Variants in ATP2A2 observed in about 807,000 individuals in gnomAD.
ATP2A2 encodes the protein sarcoplasmic/endoplasmic reticulum calcium ATPase 2.
In ATP2A2, 14 loss-of-function variants were observed where a neutral mutation model predicts 109.3. The observed-to-expected ratio is 0.13, with a 90% CI of 0.08 to 0.20. ATP2A2 has a LOEUF of 0.20. ATP2A2 is among the 10% of genes least tolerant of loss of function. The pLI, the probability that ATP2A2 is intolerant of heterozygous loss-of-function variation, is 1.00. For missense variants in ATP2A2, 657 were observed against 1,321.6 expected, an observed-to-expected ratio of 0.50 and a Z score of 7.80; for synonymous variants, 506 against 490.9, an observed-to-expected ratio of 1.03 and a Z score of -0.41.
chr12:110,310,764 G>A (rs1430128587), intron 5 of ATP2A2, among the ~76,000 whole-genome samples: 7 of 152,140 alleles, frequency 4.6e-5, no homozygotes, highest in Non-Finnish European at 1.0e-4. Flanking sequence ...ATTTACTCGG[G>A]AATAAAAAGA....
chr12:110,293,822 A>ATG (rs1294018981), intron 4 of ATP2A2, among the ~76,000 whole-genome samples: 1 of 129,880 alleles, frequency 7.7e-6, no homozygotes, highest in African/African-American at 3.3e-5. Context: ...ATTGTGCCAT[A>ATG]TATATGTGTG....
chr12:110,349,691 A>G lies in ATP2A2; in HGVS notation c.*3221A>G, dbSNP rs1592874725. On this transcript the variant is annotated 3_prime_UTR_variant, in exon 20 of 20. Transcript: ENST00000539276. ...TCTACCAAGCATCTAGCCACTGTCC[A>G]GGGCCAGAGCATACCACGTCTGCAG... The G allele has an allele frequency of 1.0e-6, 1 of 996,210 alleles. No homozygotes were observed. The highest frequency in any genetic ancestry group is 1.2e-6 in the Non-Finnish European group (1 of 835,328). The allele number at this position is 996,210 out of a possible 1,614,324, so 61.7% of individuals were successfully genotyped here.
intron 5 of ATP2A2, among the ~76,000 whole-genome samples, chr12:110,319,268 C>T (rs1877006061): frequency 6.8e-6 from 1 of 147,448 alleles, no homozygotes; most frequent in African/African-American, 2.5e-5. Context: ...GACCCCACTC[C>T]AAATGCATTT....
chr12:110,314,077 C>A (rs1876395918), intron 5 of ATP2A2, among the ~76,000 whole-genome samples: 1 of 151,274 alleles, frequency 6.6e-6, no homozygotes, highest in Non-Finnish European at 1.5e-5. Flanking sequence ...TGCCTGTAAT[C>A]CCAGCACTTT....
Position 110,339,524 on chromosome 12 carries a change from G to T in ATP2A2, c.1564G>T (p.Asp522Tyr). 6.2e-7 allele frequency: 1 copy of T among 1,614,112 alleles called. No homozygotes were observed. The highest frequency in any genetic ancestry group is 8.5e-7 in the Non-Finnish European group (1 of 1,180,016). ...CCAGGGTGCTCCTGAAGGTGTCATT[G>T]ACAGGTGCACCCACATTCGAGTTGG... is the stretch of plus-strand genomic sequence containing the variant. ...FVKGAPEGVI[D>Y]RCTHIRVGST... The change falls in exon 13 of 20, where the codon GAC becomes TAC. Residue 522 changes from aspartate to tyrosine, a missense_variant. This residue lies in a region of ATP2A2 where 180 missense variants were observed against 329.1 expected (regional missense o/e 0.55). Transcript: ENST00000539276. The surrounding 1 kb of genome is among the most constrained non-coding windows in gnomAD (Gnocchi z 4.4).
chr12:110,345,966 G>T, intron 18 of ATP2A2, 35 bp from the exon 19 acceptor site: 1 of 1,599,948 alleles, frequency 6.3e-7, no homozygotes, highest in South Asian at 1.1e-5. Context: ...GCCTTGCCTT[G>T]GGGGTGCGTT....
In ATP2A2 at chr12:110,326,416, A is replaced by G; in HGVS notation, c.571A>G (p.Thr191Ala). Residue 191 changes from threonine (T) to alanine (A), a missense_variant, in exon 7 of 20, where the codon ACT (threonine) becomes GCT (alanine). Transcript: ENST00000539276. ...TGAATCTGTCTCTGTCATCAAGCAC[A>G]CTGATCCCGTCCCTGACCCACGAGC... is the stretch of plus-strand genomic sequence containing the variant. ...TGESVSVIKHTDPVPDPRAVN... is the reference protein window; with the variant it reads ...TGESVSVIKHADPVPDPRAVN... 1 of 1,614,096 alleles carries G rather than the reference A, an allele frequency of 6.2e-7. No homozygotes were observed. The highest frequency in any genetic ancestry group is 1.6e-4 in the Middle Eastern group (1 of 6,062).
intron 5 of ATP2A2, among the ~76,000 whole-genome samples, chr12:110,306,384 G>A (rs1875333585): frequency 1.3e-5 from 2 of 152,200 alleles, no homozygotes; most frequent in Admixed American, 1.3e-4. Flanking sequence ...CAAGGTACAT[G>A]TGCAGGTTTG....
intron 6 of ATP2A2, chr12:110,325,678 A>G (rs1199017663): frequency 6.6e-6 from 1 of 152,358 alleles, no homozygotes; most frequent in Non-Finnish European, 1.5e-5. Flanking sequence ...TTTCCAGTAC[A>G]CTTGCTAATT....
chr12:110,296,866 A>C, intron 5 of ATP2A2, 129 bp downstream of exon 5: 1 of 1,083,344 alleles, frequency 9.2e-7, no homozygotes, highest in Non-Finnish European at 1.3e-6. Context: ...ATTGCCATTC[A>C]TACAAATCCT....
chr12:110,281,056 G>C (rs1871997374), upstream of ATP2A2: 1 of 151,210 alleles, frequency 6.6e-6, no homozygotes, highest in Non-Finnish European at 1.5e-5. Flanking sequence ...CCTCGATCCG[G>C]GTTCCTAGGG....
intron 4 of ATP2A2, 132 bp from the exon 5 acceptor site, chr12:110,296,467 T>G: frequency 8.5e-7 from 1 of 1,177,602 alleles, no homozygotes; most frequent in South Asian, 1.3e-5. Flanking sequence ...AGATGTGAAT[T>G]GTTTAGTACA....
intron 8 of ATP2A2, chr12:110,331,586 C>T (rs1230272494): frequency 1.3e-5 from 2 of 152,200 alleles, no homozygotes; most frequent in South Asian, 2.1e-4. Flanking sequence ...GATCTACTCA[C>T]CTTGGCCTCT....
intron 6 of ATP2A2, among the ~76,000 whole-genome samples, chr12:110,325,136 TA>T (rs1188483136): frequency 2.6e-5 from 4 of 151,730 alleles, no homozygotes; most frequent in South Asian, 2.1e-4. Flanking sequence ...TTTAAAAGTT[TA>T]AAAAAAAATT....
At position 110,347,125 on chromosome 12, in the gene ATP2A2, C is replaced by T; in HGVS notation, c.*655C>T. ...TACATCAGTTTTAACGAGAGGTATG[C>T]CTGTACTCGCTTGTGCAGAAAACAT... On this transcript the variant is annotated 3_prime_UTR_variant, in exon 20 of 20. Coordinates refer to ENST00000539276, the MANE Select transcript of ATP2A2 (RefSeq NM_170665.4). The T allele has an allele frequency of 8.6e-7, 1 of 1,168,430 alleles. No individual in the cohort carries two copies. Among genetic ancestry groups the T allele is most frequent in the Non-Finnish European group, 1.1e-6 (1 of 934,072 alleles). The allele number at this position is 1,168,430 out of a possible 1,614,324, so 72.4% of individuals were successfully genotyped here.
At chr12:110,291,163 C>T (rs528044855) in intron 3 of ATP2A2, among the ~76,000 whole-genome samples, 1 of 151,474 alleles carries the variant, frequency 6.6e-6, no homozygotes, top group Non-Finnish European at 1.5e-5. Flanking sequence ...CCGCCTTGGC[C>T]TCCCAAAGTG....
chr12:110,336,792 A>ACT (rs1220242834), intron 11 of ATP2A2, among the ~76,000 whole-genome samples: 1 of 151,938 alleles, frequency 6.6e-6, no homozygotes, highest in African/African-American at 2.4e-5. Flanking sequence ...GCCTTGGACC[A>ACT]CTCCTTTGGC....
chr12:110,350,536 C>A lies in ATP2A2; in HGVS notation c.*4066C>A. On this transcript the variant is annotated 3_prime_UTR_variant, in exon 20 of 20. Coordinates refer to ENST00000539276, the MANE Select transcript of ATP2A2 (RefSeq NM_170665.4). ...TGTACAATTTAGCTTAATCAGAAAGCCTCTCCAGAGAAGTTTGGTTTCTTT... is the reference window on the plus strand; with the variant it reads ...TGTACAATTTAGCTTAATCAGAAAGACTCTCCAGAGAAGTTTGGTTTCTTT... 3.0e-6 allele frequency: 2 copies of A among 672,852 alleles called. No homozygotes were observed. The highest frequency in any genetic ancestry group is 4.9e-6 in the Non-Finnish European group (2 of 410,308). The allele number at this position is 672,852 out of a possible 1,614,324, so 41.7% of individuals were successfully genotyped here.
At position 110,342,314 on chromosome 12, in the gene ATP2A2, C is replaced by T. The variant is rs368230581; in HGVS notation, c.2184C>T (p.Thr728=). The part of the protein sequence containing the change: ...AMGSGTAVAK[T]ASEMVLADDN... The stretch of plus-strand genomic sequence containing the variant: ...GCTCTGGCACTGCGGTGGCTAAAAC[C>T]GCCTCTGAGATGGTCCTGGCGGATG... Residue 728 remains threonine, a synonymous_variant, in exon 15 of 20, where the codon ACC becomes ACT. Coordinates refer to ENST00000539276, the MANE Select transcript of ATP2A2 (RefSeq NM_170665.4). The surrounding 1 kb of genome is among the most constrained non-coding windows in gnomAD (Gnocchi z 4.6). The T allele has an allele frequency of 4.2e-5, 67 of 1,614,086 alleles. No individual in the cohort carries two copies. The Middle Eastern group carries it at 4.9e-4, about 12-fold the overall frequency.
Sources: allele counts gnomAD v4.1 joint callset (sites outside exome capture counted in the v4.1 genomes callset), GRCh38; gene constraint gnomAD v4.1.1; regional missense constraint gnomAD v4.1.1; non-coding constraint Gnocchi (gnomAD v3.1); transcripts MANE v1.5; gene names NCBI Gene and HGNC (gene_info 2026-07-23, HGNC 2026-07-21).